Variants in FMN1 observed in about 807,000 individuals in gnomAD.
FMN1 encodes formin-1.
FMN1 carries 110 observed loss-of-function variants against 132.4 expected under a neutral mutation model. That is an observed-to-expected ratio of 0.83 (90% CI 0.71 to 0.97). The LOEUF (loss-of-function observed/expected upper bound fraction) is 0.97, where lower values mean the gene tolerates loss of function less well. Ranked by LOEUF, FMN1 falls within the 50% of genes least tolerant of loss-of-function variation. FMN1 has a pLI of 0.00. For missense variants in FMN1, 1,792 were observed against 1,705.3 expected (o/e 1.05, Z -0.90); for synonymous variants, 722 against 651.7 (o/e 1.11, Z -1.64).
chr15:32,929,175 AGTG>A (rs2061039262), intron 9 of FMN1, among the ~76,000 whole-genome samples: 1 of 152,214 alleles, frequency 6.6e-6, no homozygotes, highest in African/African-American at 2.4e-5. Flanking sequence ...GCAGCTAAGC[AGTG>A]GTGAAGTTGG....
At chr15:33,156,839 G>T (rs982520369) in intron 3 of FMN1, among the ~76,000 whole-genome samples, 25 of 152,316 alleles carry the variant, frequency 1.6e-4, no homozygotes, top group African/African-American at 6.0e-4. Flanking sequence ...GGAAGCAGCA[G>T]ATGAGCTATG....
chr15:33,071,313 A>G lies in FMN1; in HGVS notation c.2044-6239T>C, dbSNP rs143536213. Among the ~76,000 whole-genome samples, 646 of 152,334 alleles carry G rather than the reference A, an allele frequency of 4.2e-3. 25 individuals are homozygous for G. The South Asian group carries it at 0.087, about 20-fold the overall frequency. On this transcript the variant is annotated intron_variant, in intron 5 of 20. Coordinates refer to ENST00000616417, the MANE Select transcript of FMN1 (RefSeq NM_001277313.2). Reference sequence around the variant, plus strand: ...TCCAGTAAACCTAGCTGGCCTATCTATCTAACACAGAAGAGACACGGAATC... The same window carrying G: ...TCCAGTAAACCTAGCTGGCCTATCTGTCTAACACAGAAGAGACACGGAATC...
Position 33,068,282 on chromosome 15 carries a change from G to T in FMN1, c.2044-3208C>A, listed in dbSNP as rs11639303. The T allele has an allele frequency of 9.4e-3, 1,653 of 175,762 alleles. 23 individuals carry two copies. Among genetic ancestry groups the T allele is most frequent in the African/African-American group, 0.037 (1,565 of 42,008 alleles). The allele number at this position is 175,762 out of a possible 1,614,324, so 10.9% of individuals were successfully genotyped here. On this transcript the variant is annotated intron_variant, in intron 5 of 20. Transcript: ENST00000616417. ...TTCACGAGGAGCTCCGCCCCAGGCCGGCGGTTCTCCTGGTGGCATTCAACT... is the reference window on the plus strand; with the variant it reads ...TTCACGAGGAGCTCCGCCCCAGGCCTGCGGTTCTCCTGGTGGCATTCAACT...
intron 3 of FMN1, among the ~76,000 whole-genome samples, chr15:33,166,692 C>T (rs7173247): frequency 0.29 from 44,393 of 152,042 alleles, 10,872 homozygotes; most frequent in African/African-American, 0.67. Flanking sequence ...ACAAACTCTT[C>T]TGTTTACCAT....
intron 4 of FMN1, among the ~76,000 whole-genome samples, chr15:33,126,762 C>G (rs1056973270): frequency 2.0e-5 from 3 of 151,652 alleles, no homozygotes; most frequent in East Asian, 1.9e-4. Flanking sequence ...GGAGGGAAGA[C>G]AGATTACTGG....
chr15:33,122,908 T>G (rs1962702002), intron 4 of FMN1, among the ~76,000 whole-genome samples: 1 of 152,158 alleles, frequency 6.6e-6, no homozygotes, highest in Admixed American at 6.5e-5. Context: ...CTATGCAGCA[T>G]GTACTATGTG....
At chr15:33,111,330 T>C (rs1047119972) in intron 4 of FMN1, among the ~76,000 whole-genome samples, 17 of 152,144 alleles carry the variant, frequency 1.1e-4, no homozygotes, top group African/African-American at 4.1e-4. Context: ...TAACAACAAG[T>C]GTTCATGAGG....
chr15:32,802,810 C>T (rs893241826), intron 18 of FMN1, among the ~76,000 whole-genome samples: 17 of 152,122 alleles, frequency 1.1e-4, no homozygotes, highest in East Asian at 1.9e-4. Flanking sequence ...ATAACACAGA[C>T]GTGCTAGTTT....
intron 16 of FMN1, among the ~76,000 whole-genome samples, chr15:32,879,178 T>C (rs962356408): frequency 1.3e-5 from 2 of 152,242 alleles, no homozygotes; most frequent in African/African-American, 2.4e-5. Flanking sequence ...GAAATACTTA[T>C]CCCAGTTCCT....
rs1258569950 is a variant in FMN1, at chr15:32,968,976, G to A, written c.2725C>T (p.Pro909Ser). The A allele has an allele frequency of 1.0e-6, 1 of 980,830 alleles. No individual in the cohort carries two copies. Among genetic ancestry groups the A allele is most frequent in the East Asian group, 2.6e-5 (1 of 38,736 alleles). The allele number at this position is 980,830 out of a possible 1,614,324, so 60.8% of individuals were successfully genotyped here. ...GAAGGTGGAGGTAGAGGTGGCGGTG[G>A]AGGAGGCGGAGGTGGTAGCGGTGGC... ...AGPPLPPPPPPPPPLPPPSSA... is the reference protein window; with the variant it reads ...AGPPLPPPPPSPPPLPPPSSA... Residue 909 changes from proline (P) to serine (S), a missense_variant, in exon 8 of 21, where the codon CCA (proline) becomes TCA (serine). Coordinates refer to ENST00000616417, the MANE Select transcript of FMN1 (RefSeq NM_001277313.2).
At chr15:32,892,220 G>C (rs1346362577) in intron 15 of FMN1, among the ~76,000 whole-genome samples, 6 of 152,140 alleles carry the variant, frequency 3.9e-5, no homozygotes, top group African/African-American at 9.7e-5. Context: ...ATTACATTGA[G>C]ATATGTCCCC....
chr15:33,020,732 G>T (rs934111249), intron 6 of FMN1, among the ~76,000 whole-genome samples: 9 of 151,850 alleles, frequency 5.9e-5, no homozygotes, highest in Non-Finnish European at 1.3e-4. Context: ...TAAGCATTGT[G>T]TATATAAAAG....
chr15:32,982,883 G>T (rs376533576), intron 7 of FMN1, among the ~76,000 whole-genome samples: 1 of 151,666 alleles, frequency 6.6e-6, no homozygotes, highest in Non-Finnish European at 1.5e-5. Context: ...CTATACTGTC[G>T]GCCCTCCTAG....
At chr15:32,920,553 C>A (rs2060795869) in intron 10 of FMN1, among the ~76,000 whole-genome samples, 3 of 152,140 alleles carry the variant, frequency 2.0e-5, no homozygotes, top group Admixed American at 1.3e-4. Context: ...TCTAACCTAG[C>A]CCTATCCGCT....
chr15:32,927,968 T>C (rs2061004262), intron 9 of FMN1, among the ~76,000 whole-genome samples: 1 of 152,232 alleles, frequency 6.6e-6, no homozygotes. Flanking sequence ...ATTACTGTAA[T>C]AGCTGAGTTG....
intron 16 of FMN1, among the ~76,000 whole-genome samples, chr15:32,887,822 T>C (rs888992102): frequency 2.8e-4 from 42 of 152,330 alleles, no homozygotes; most frequent in African/African-American, 9.4e-4. Context: ...AAAATGGGTT[T>C]AGTGTAGTTC....
At chr15:33,128,821 C>T (rs60132240) in intron 4 of FMN1, among the ~76,000 whole-genome samples, 1 of 152,160 alleles carries the variant, frequency 6.6e-6, no homozygotes, top group African/African-American at 2.4e-5. Flanking sequence ...AGCAAAATAA[C>T]AAAGCCTCCG....
Position 33,161,873 on chromosome 15 carries a change from G to A in FMN1, c.-131-6828C>T, listed in dbSNP as rs570716705. 4.6e-5 allele frequency among the ~76,000 whole-genome samples: 7 copies of A among 151,590 alleles called. No individual in the cohort carries two copies. In the South Asian group the frequency reaches 6.3e-4, roughly 14 times the overall value. On this transcript the variant is annotated intron_variant, in intron 3 of 20. Transcript: ENST00000616417. ...GTGGAGCTTGCAATGAGACGAGATC[G>A]TGCCACTGCACTCCAGCCTGGGTGA...
chr15:33,096,970 AT>A (rs1371595874), intron 4 of FMN1, among the ~76,000 whole-genome samples: 1 of 151,752 alleles, frequency 6.6e-6, no homozygotes, highest in East Asian at 1.9e-4. Flanking sequence ...GGCTCTGGTA[AT>A]TTTTTTCAGT....
Sources: gnomAD v4.1 joint callset for allele counts (sites outside exome capture counted in the v4.1 genomes callset) on GRCh38, gnomAD v4.1.1 for gene constraint, MANE v1.5 for transcripts, NCBI Gene and HGNC (gene_info 2026-07-23, HGNC 2026-07-21) for gene names.